The following GYS2 variants were observed in gnomAD, a reference collection of about 807,000 sequenced individuals.
GYS2 encodes the protein glycogen synthase 2, also known as glycogen [starch] synthase, liver.
GYS2 carries 80 observed loss-of-function variants against 85.6 expected under a neutral mutation model. That is an observed-to-expected ratio of 0.93 (90% confidence interval 0.78 to 1.13). The LOEUF is 1.13. Ranked by LOEUF, GYS2 falls within the 50% of genes most tolerant of loss-of-function variation. The pLI is 0.00. For synonymous variants in GYS2, 328 were observed against 300.7 expected (o/e 1.09, Z -0.94); for missense variants, 881 against 854.9 (o/e 1.03, Z -0.38).
chr12:21,593,970 A>T (rs749520725), intron 1 of GYS2, among the ~76,000 whole-genome samples: 1 of 152,198 alleles, frequency 6.6e-6, no homozygotes, highest in Non-Finnish European at 1.5e-5. Context: ...AATAAATGTG[A>T]TACATCACAT....
At chr12:21,550,225 A>G (rs1009181018) in intron 11 of GYS2, among the ~76,000 whole-genome samples, 2 of 152,000 alleles carry the variant, frequency 1.3e-5, no homozygotes, top group African/African-American at 4.8e-5. Context: ...TTAGTAGCAA[A>G]TGGCATTTAG....
intron 1 of GYS2, among the ~76,000 whole-genome samples, chr12:21,583,851 A>G (rs1026831771): frequency 6.6e-6 from 1 of 152,196 alleles, no homozygotes; most frequent in Admixed American, 6.5e-5. Context: ...GAAGTGGTAT[A>G]TATGCGATTG....
intron 11 of GYS2, among the ~76,000 whole-genome samples, chr12:21,551,229 CA>C (rs1406036686): frequency 7.2e-6 from 1 of 138,950 alleles, no homozygotes; most frequent in African/African-American, 2.7e-5. Context: ...TCTCATTGTT[CA>C]ATTCCCACCT....
At chr12:21,600,016 C>G (rs1944737463) in intron 1 of GYS2, among the ~76,000 whole-genome samples, 1 of 152,094 alleles carries the variant, frequency 6.6e-6, no homozygotes, top group African/African-American at 2.4e-5. Context: ...CAACATTACC[C>G]AGGTGATGGT....
At chr12:21,553,618 T>C (rs1944138992) in intron 11 of GYS2, among the ~76,000 whole-genome samples, 2 of 152,196 alleles carry the variant, frequency 1.3e-5, no homozygotes, top group Admixed American at 6.5e-5. Flanking sequence ...ATTCAATTGC[T>C]CATAGAATCA....
intron 11 of GYS2, among the ~76,000 whole-genome samples, chr12:21,557,753 G>T (rs1944198573): frequency 6.6e-6 from 1 of 152,080 alleles, no homozygotes; most frequent in African/African-American, 2.4e-5. Flanking sequence ...CAAAAAATTA[G>T]CCGGGCATGG....
rs527563152 is a variant in GYS2 at position 21,580,696 on chromosome 12, G to A, written c.122-173C>T. 7.9e-5 allele frequency among the ~76,000 whole-genome samples: 12 copies of A among 152,278 alleles called. No homozygotes were observed. The East Asian group carries it at 1.7e-3, about 22-fold the overall frequency. On this transcript the variant is annotated intron_variant, in intron 1 of 15. Transcript: ENST00000261195. Reference sequence around the variant, plus strand: ...TGACATATTGTTAAGGGACACCAACGAATGGTTACTGCTTTGTTCAATTCT... The same window carrying A: ...TGACATATTGTTAAGGGACACCAACAAATGGTTACTGCTTTGTTCAATTCT...
At chr12:21,594,577 A>G (rs1944675274) in intron 1 of GYS2, among the ~76,000 whole-genome samples, 1 of 152,144 alleles carries the variant, frequency 6.6e-6, no homozygotes, top group Non-Finnish European at 1.5e-5. Flanking sequence ...ACTACAAAAC[A>G]CTGATAAAAG....
intron 11 of GYS2, among the ~76,000 whole-genome samples, chr12:21,551,236 C>T (rs529260089): frequency 6.8e-6 from 1 of 146,296 alleles, no homozygotes; most frequent in Non-Finnish European, 1.5e-5. Flanking sequence ...GTTCAATTCC[C>T]ACCTATGAGT....
At chr12:21,576,860 C>T (rs1236652785) in intron 2 of GYS2, among the ~76,000 whole-genome samples, 3 of 152,108 alleles carry the variant, frequency 2.0e-5, no homozygotes. Context: ...TGTTTATTCT[C>T]CTTTTACATG....
At chr12:21,532,687 C>T (rs1943877281), downstream of GYS2, 1 of 152,038 alleles carries the variant, frequency 6.6e-6, no homozygotes, top group South Asian at 2.1e-4. Context: ...AATTATTTAC[C>T]CATCAGACAT....
Position 21,536,539 on chromosome 12 carries a change from T to G in GYS2, c.*415A>C. The G allele has an allele frequency of 4.4e-6, 1 of 226,948 alleles. No individual in the cohort carries two copies. The highest frequency in any genetic ancestry group is 8.7e-6 in the Non-Finnish European group (1 of 114,984). The allele number at this position is 226,948 out of a possible 1,614,324, so 14.1% of individuals were successfully genotyped here. On this transcript the variant is annotated 3_prime_UTR_variant, in exon 16 of 16. Transcript: ENST00000261195. ...TTTAAAAAATGTAGGTAGTGCACAT[T>G]CATGGGTAAGATCAAGGTTTTCGGG...
At chr12:21,568,771 T>C in intron 5 of GYS2, 94 bp downstream of exon 5, 1 of 1,080,700 alleles carries the variant, frequency 9.3e-7, no homozygotes, top group Admixed American at 1.7e-5. Context: ...AATGCAATTT[T>C]TCCTCAAACT....
chr12:21,559,738 T>A, intron 8 of GYS2, 28 bp from the exon 9 acceptor site: 1 of 1,376,470 alleles, frequency 7.3e-7, no homozygotes, highest in East Asian at 2.3e-5. Context: ...ATTTATCATT[T>A]AAACAGTATG....
At chr12:21,567,482 G>C (rs939173012) in intron 5 of GYS2, among the ~76,000 whole-genome samples, 1 of 151,216 alleles carries the variant, frequency 6.6e-6, no homozygotes, top group African/African-American at 2.4e-5. Flanking sequence ...GCTACTATAG[G>C]TTCTTAATGC....
intron 11 of GYS2, among the ~76,000 whole-genome samples, chr12:21,551,806 C>G (rs2136861089): frequency 6.6e-6 from 1 of 152,264 alleles, no homozygotes; most frequent in Non-Finnish European, 1.5e-5. Flanking sequence ...GATACTGTAT[C>G]TGGGCAATCA....
Position 21,542,522 on chromosome 12 carries a change from T to C in GYS2, c.1619A>G (p.Glu540Gly). The change falls in exon 13 of 16, where the codon GAG (glutamate) becomes GGG (glycine). Residue 540 changes from glutamate (E) to glycine (G), a missense_variant. Glu to Gly is a moderately conservative substitution (Grantham distance 98, BLOSUM62 -2). Coordinates refer to ENST00000261195, the MANE Select transcript of GYS2 (RefSeq NM_021957.4). Reference sequence around the variant, plus strand: ...GTAAGCAGTAGGATCAGCCACGTGCTCCTGCATGAAACAGCCAAACCCGGA... The same window carrying C: ...GTAAGCAGTAGGATCAGCCACGTGCCCCTGCATGAAACAGCCAAACCCGGA... The part of the protein sequence containing the change: ...NLSGFGCFMQ[E>G]HVADPTAYGI... 3 of 1,612,946 alleles carry C rather than the reference T, an allele frequency of 1.9e-6. No individual in the cohort carries two copies. Among genetic ancestry groups the C allele is most frequent in the Non-Finnish European group, 2.5e-6 (3 of 1,178,952 alleles).
chr12:21,580,819 C>A (rs1366305308), intron 1 of GYS2, among the ~76,000 whole-genome samples: 1 of 152,192 alleles, frequency 6.6e-6, no homozygotes, highest in Non-Finnish European at 1.5e-5. Context: ...TCTGAAAAGA[C>A]AATTGGAGTA....
chr12:21,561,877 C>A (rs1203364180), intron 7 of GYS2, among the ~76,000 whole-genome samples: 1 of 151,944 alleles, frequency 6.6e-6, no homozygotes, highest in African/African-American at 2.4e-5. Context: ...TGCTCTAAAG[C>A]AAAAAATTTA....
Sources: allele counts gnomAD v4.1 joint callset (sites outside exome capture counted in the v4.1 genomes callset), GRCh38; gene constraint gnomAD v4.1.1; transcripts MANE v1.5; gene names NCBI Gene and HGNC (gene_info 2026-07-23, HGNC 2026-07-21).